TBC1D32: variants seen among roughly 807,000 people sequenced by gnomAD.
The protein encoded by TBC1D32 is TBC1 domain family member 32.
A neutral mutation model predicts 170.3 loss-of-function variants in TBC1D32; 151 were observed. The ratio of observed to expected loss-of-function variants is 0.89; its 90% CI spans 0.78 to 1.01. The LOEUF (loss-of-function observed/expected upper bound fraction) is 1.01. TBC1D32 is among the 50% of genes least tolerant of loss of function. The pLI, the probability that TBC1D32 is intolerant of heterozygous loss-of-function variation, is 0.00. For missense variants in TBC1D32, 1,464 were observed against 1,457.1 expected (o/e 1.00, Z -0.08); for synonymous variants, 498 against 488.0 (o/e 1.02, Z -0.27).
chr6:121,126,329 C>A (rs1780845007), intron 26 of TBC1D32, 49 bp downstream of exon 26: 1 of 1,342,526 alleles, frequency 7.4e-7, no homozygotes, highest in Non-Finnish European at 1.0e-6. Flanking sequence ...CATTAATTAT[C>A]TAGTTACATA....
At chr6:121,227,673 T>C (rs1313276087) in intron 20 of TBC1D32, among the ~76,000 whole-genome samples, 1 of 152,154 alleles carries the variant, frequency 6.6e-6, no homozygotes, top group Non-Finnish European at 1.5e-5. Context: ...TTGATCATAA[T>C]AAATGGTCCT....
chr6:121,308,755 G>A (rs1410948286), intron 4 of TBC1D32, among the ~76,000 whole-genome samples: 1 of 132,932 alleles, frequency 7.5e-6, no homozygotes, highest in Non-Finnish European at 1.5e-5. Context: ...GACTGCAGTG[G>A]CGCAATCTCG....
chr6:121,263,953 T>G (rs117405028), intron 15 of TBC1D32, among the ~76,000 whole-genome samples: 2 of 152,040 alleles, frequency 1.3e-5, no homozygotes, highest in Non-Finnish European at 2.9e-5. Flanking sequence ...AGGAGGGAAA[T>G]TGATAGCACT....
At chr6:121,137,856 T>C (rs1260057080) in intron 24 of TBC1D32, among the ~76,000 whole-genome samples, 1 of 151,984 alleles carries the variant, frequency 6.6e-6, no homozygotes, top group Non-Finnish European at 1.5e-5. Flanking sequence ...TAATAATTAC[T>C]TTCTAGGATG....
chr6:121,088,694 AC>A (rs1164798941), intron 31 of TBC1D32, among the ~76,000 whole-genome samples: 6 of 152,344 alleles, frequency 3.9e-5, no homozygotes, highest in East Asian at 1.9e-4. Flanking sequence ...TATCAAAAAA[AC>A]ATTTGTCCTA....
At chr6:121,187,481 G>T (rs1789348466) in intron 22 of TBC1D32, among the ~76,000 whole-genome samples, 1 of 151,980 alleles carries the variant, frequency 6.6e-6, no homozygotes, top group South Asian at 2.1e-4. Flanking sequence ...GCCAGCTTGG[G>T]TTTTAGCTTT....
At chr6:121,220,559 G>A (rs1350462282) in intron 21 of TBC1D32, among the ~76,000 whole-genome samples, 1 of 151,966 alleles carries the variant, frequency 6.6e-6, no homozygotes, top group African/African-American at 2.4e-5. Flanking sequence ...AGTAGCAAGT[G>A]CTGATGTAGA....
chr6:121,085,242 C>T (rs1175852619), intron 31 of TBC1D32, among the ~76,000 whole-genome samples: 1,666 of 127,750 alleles, frequency 0.013, 10 homozygotes, highest in South Asian at 0.043. Flanking sequence ...TACACATATA[C>T]ATACGTATAT....
intron 17 of TBC1D32, among the ~76,000 whole-genome samples, chr6:121,247,709 A>AAAAAAAAAAAAAAAG (rs1391943309): frequency 6.7e-6 from 1 of 149,072 alleles, no homozygotes; most frequent in African/African-American, 2.4e-5. Flanking sequence ...AAAAAAAAAA[A>AAAAAAAAAAAAAAAG]AAAAAAAAAG....
intron 15 of TBC1D32, among the ~76,000 whole-genome samples, chr6:121,259,447 T>G (rs1372070795): frequency 6.6e-6 from 1 of 152,122 alleles, no homozygotes; most frequent in Non-Finnish European, 1.5e-5. Flanking sequence ...TTGGAACTCA[T>G]GACAAAGAAT....
At chr6:121,333,391 CCA>C (rs1811448222) in intron 1 of TBC1D32, among the ~76,000 whole-genome samples, 1 of 152,126 alleles carries the variant, frequency 6.6e-6, no homozygotes, top group South Asian at 2.1e-4. Context: ...CCTACTGCTC[CCA>C]CACGCAGAGC....
intron 17 of TBC1D32, among the ~76,000 whole-genome samples, chr6:121,253,440 C>A (rs1266279567): frequency 6.6e-6 from 1 of 152,164 alleles, no homozygotes; most frequent in South Asian, 2.1e-4. Flanking sequence ...AAAGTCAAGG[C>A]CGGCACGGTG....
intron 30 of TBC1D32, among the ~76,000 whole-genome samples, chr6:121,100,340 T>C (rs1332627946): frequency 2.0e-5 from 3 of 151,964 alleles, no homozygotes; most frequent in Non-Finnish European, 2.9e-5. Context: ...TTCTGTCTCA[T>C]TGATCTGTCT....
chr6:121,148,580 G>T (rs1201791890), intron 24 of TBC1D32, among the ~76,000 whole-genome samples: 1 of 151,934 alleles, frequency 6.6e-6, no homozygotes, highest in Non-Finnish European at 1.5e-5. Context: ...CACAACGGTT[G>T]AAGTTTACAC....
chr6:121,281,774 C>T lies in TBC1D32; in HGVS notation c.1466-88G>A, dbSNP rs540775413. The stretch of plus-strand genomic sequence containing the variant: ...GCTGTTGTTGTTCCAAAAAGTTCAA[C>T]ATCAAAGTTAATTCAGTACTTCAAA... On this transcript the variant is annotated intron_variant, in intron 13 of 31. Coordinates refer to ENST00000398212, the MANE Select transcript of TBC1D32 (RefSeq NM_152730.6). 3.8e-4 allele frequency: 388 copies of T among 1,032,224 alleles called. 2 individuals are homozygous for T. The highest frequency in any genetic ancestry group is 5.1e-4 in the Non-Finnish European group (378 of 736,836). The allele number at this position is 1,032,224 out of a possible 1,614,324, so 63.9% of individuals were successfully genotyped here. A position where few individuals can be genotyped will look rare whatever the true frequency, so the allele number is the denominator to read the frequency against.
At chr6:121,251,941 A>G (rs1220262163) in intron 17 of TBC1D32, among the ~76,000 whole-genome samples, 1 of 152,216 alleles carries the variant, frequency 6.6e-6, no homozygotes, top group Non-Finnish European at 1.5e-5. Flanking sequence ...CATATGAAAC[A>G]TATTTATGCG....
chr6:121,267,039 C>A (rs1257623083), intron 15 of TBC1D32, among the ~76,000 whole-genome samples: 1 of 146,126 alleles, frequency 6.8e-6, no homozygotes, highest in Non-Finnish European at 1.5e-5. Flanking sequence ...AACAAACATG[C>A]ATGTTCTGCA....
intron 9 of TBC1D32, 141 bp downstream of exon 9, chr6:121,303,476 G>A (rs150723374): frequency 3.5e-4 from 242 of 698,840 alleles, no homozygotes; most frequent in Non-Finnish European, 4.2e-4. Context: ...CACCAACCTC[G>A]TAAAGTTTTA....
intron 30 of TBC1D32, among the ~76,000 whole-genome samples, chr6:121,101,912 A>G (rs995794639): frequency 6.6e-6 from 1 of 152,116 alleles, no homozygotes; most frequent in Admixed American, 6.6e-5. Flanking sequence ...AAATCATTGT[A>G]CAAAAATCAC....
Sources: allele counts gnomAD v4.1 joint callset (sites outside exome capture counted in the v4.1 genomes callset), GRCh38; gene constraint gnomAD v4.1.1; transcripts MANE v1.5; gene names NCBI Gene and HGNC (gene_info 2026-07-23, HGNC 2026-07-21).